BMP6: variants seen among roughly 807,000 people sequenced by gnomAD.
The protein encoded by BMP6 is VG-1-R.
In BMP6, 17 loss-of-function variants were observed where a neutral mutation model predicts 54.1. That is an observed-to-expected ratio of 0.31 (90% confidence interval 0.22 to 0.47). BMP6 has a LOEUF of 0.47. Ranked by LOEUF, BMP6 falls within the 20% of genes least tolerant of loss-of-function variation. BMP6 has a pLI of 1.00. For missense variants in BMP6, 720 were observed against 690.4 expected, an observed-to-expected ratio of 1.04 and a Z score of -0.48; for synonymous variants, 328 against 291.2, an observed-to-expected ratio of 1.13 and a Z score of -1.28.
intron 2 of BMP6, among the ~76,000 whole-genome samples, chr6:7,849,268 G>C (rs540950054): frequency 2.3e-4 from 35 of 152,274 alleles, no homozygotes; most frequent in African/African-American, 8.2e-4. Context: ...TGATGTCTAA[G>C]GCCTTCCTAC....
chr6:7,796,083 G>C (rs1375857529), intron 1 of BMP6, among the ~76,000 whole-genome samples: 2 of 152,162 alleles, frequency 1.3e-5, no homozygotes, highest in African/African-American at 4.8e-5. Context: ...GGGCAGATGA[G>C]ATTGCCCAGG....
intron 4 of BMP6, among the ~76,000 whole-genome samples, chr6:7,866,625 A>C (rs1334875979): frequency 6.6e-6 from 1 of 152,230 alleles, no homozygotes; most frequent in Non-Finnish European, 1.5e-5. Context: ...TCAGCTGGTA[A>C]GTCTGAAGTC....
chr6:7,792,686 C>G (rs1758128117), intron 1 of BMP6, among the ~76,000 whole-genome samples: 1 of 152,206 alleles, frequency 6.6e-6, no homozygotes, highest in African/African-American at 2.4e-5. Flanking sequence ...AAGCAACATT[C>G]CAACAAGGCA....
At chr6:7,815,410 C>T (rs2113216879) in intron 1 of BMP6, among the ~76,000 whole-genome samples, 1 of 152,310 alleles carries the variant, frequency 6.6e-6, no homozygotes, top group Admixed American at 6.5e-5. Flanking sequence ...GCAAGTTTCA[C>T]ATCAGTAAAT....
intron 4 of BMP6, 108 bp from the exon 5 acceptor site, chr6:7,878,966 A>G (rs1759666629): frequency 9.0e-7 from 1 of 1,113,216 alleles, no homozygotes; most frequent in Non-Finnish European, 1.4e-6. Context: ...CTAGGAGGCT[A>G]TCCTGAGCCT....
chr6:7,775,658 T>C (rs1757852090), intron 1 of BMP6, among the ~76,000 whole-genome samples: 2 of 152,184 alleles, frequency 1.3e-5, no homozygotes, highest in Admixed American at 1.3e-4. Context: ...AGTTGTAGAA[T>C]GTGGTAAGGT....
chr6:7,819,005 A>G (rs1758568575), intron 1 of BMP6, among the ~76,000 whole-genome samples: 1 of 152,136 alleles, frequency 6.6e-6, no homozygotes, highest in African/African-American at 2.4e-5. Context: ...AGAAGGAGAA[A>G]CATTGTTCAT....
chr6:7,732,478 AT>A (rs1054535529), intron 1 of BMP6, among the ~76,000 whole-genome samples: 1 of 152,184 alleles, frequency 6.6e-6, no homozygotes, highest in African/African-American at 2.4e-5. Context: ...TAGTTCCTCT[AT>A]TTGAGAGCTT....
chr6:7,870,623 T>A (rs382029), intron 4 of BMP6, among the ~76,000 whole-genome samples: 48,297 of 151,534 alleles, frequency 0.32, 8,194 homozygotes, highest in East Asian at 0.59. Flanking sequence ...ATCTTTTTTT[T>A]AAAAAACAAC....
At chr6:7,790,828 C>T (rs1349915498) in intron 1 of BMP6, among the ~76,000 whole-genome samples, 4 of 152,282 alleles carry the variant, frequency 2.6e-5, no homozygotes, top group East Asian at 3.9e-4. Context: ...CCTTGTCACA[C>T]GGAGGATTCT....
At chr6:7,755,394 C>A (rs1413789190) in intron 1 of BMP6, among the ~76,000 whole-genome samples, 2 of 152,098 alleles carry the variant, frequency 1.3e-5, no homozygotes, top group Non-Finnish European at 2.9e-5. Flanking sequence ...GCTTAACTTA[C>A]CACAGTCTGT....
chr6:7,866,853 C>T (rs1182624521), intron 4 of BMP6, among the ~76,000 whole-genome samples: 1 of 152,100 alleles, frequency 6.6e-6, no homozygotes, highest in Non-Finnish European at 1.5e-5. Flanking sequence ...TGTATCAATG[C>T]CACCTATTAG....
chr6:7,727,585 C>G lies in BMP6; in HGVS notation c.630C>G (p.Asn210Lys). The G allele has an allele frequency of 6.3e-7, 1 of 1,580,126 alleles. No homozygotes were observed. The highest frequency in any genetic ancestry group is 8.5e-7 in the Non-Finnish European group (1 of 1,172,250). ...LTSAQDSAFL[N>K]DADMVMSFVN... ...GCGCGCAGGACAGCGCCTTCCTCAA[C>G]GACGCGGACATGGTCATGAGCTTTG... Residue 210 changes from asparagine to lysine, a missense_variant, in exon 1 of 7, where the codon AAC becomes AAG. Physicochemically the swap from Asn to Lys is moderately conservative, Grantham distance 94 (BLOSUM62 0). Around this residue, in one of 3 missense-constraint regions of BMP6, gnomAD observed 650 missense variants for 556.3 expected, o/e 1.17. Transcript: ENST00000283147.
chr6:7,866,381 C>T (rs969241718), intron 4 of BMP6, among the ~76,000 whole-genome samples: 4 of 152,198 alleles, frequency 2.6e-5, no homozygotes, highest in Admixed American at 2.6e-4. Context: ...TCTATAGCTC[C>T]AGTTTGGTGG....
At position 7,749,487 on chromosome 6, in the gene BMP6, C is replaced by T. The variant is rs951739429; in HGVS notation, c.664+21868C>T. 2.0e-5 allele frequency among the ~76,000 whole-genome samples: 3 copies of T among 152,062 alleles called. 1 individual carries two copies. The highest frequency in any genetic ancestry group is 1.5e-5 in the Non-Finnish European group (1 of 68,018). ...AGTTGTCTCAGATCTATTTTCAGAA[C>T]GAGGCAGGAGCAAAACGAATTACTG... is the stretch of plus-strand genomic sequence containing the variant. On this transcript the variant is annotated intron_variant, in intron 1 of 6. Coordinates refer to ENST00000283147, the MANE Select transcript of BMP6 (RefSeq NM_001718.6).
chr6:7,845,009 C>T (rs1156687676), intron 1 of BMP6, 131 bp from the exon 2 acceptor site: 3 of 792,258 alleles, frequency 3.8e-6, no homozygotes, highest in African/African-American at 3.5e-5. Flanking sequence ...CTGTTCACTA[C>T]CCGATCCCCG....
At chr6:7,831,426 C>T (rs1758791536) in intron 1 of BMP6, among the ~76,000 whole-genome samples, 1 of 152,146 alleles carries the variant, frequency 6.6e-6, no homozygotes, top group South Asian at 2.1e-4. Flanking sequence ...GAATTGTCCA[C>T]TTCAAAATGG....
chr6:7,800,571 G>T (rs1758254529), intron 1 of BMP6, among the ~76,000 whole-genome samples: 1 of 152,066 alleles, frequency 6.6e-6, no homozygotes, highest in Admixed American at 6.5e-5. Context: ...CAAGGTCTTT[G>T]TTTTCTTCTT....
At chr6:7,762,205 AGCCACT>A (rs1374400794) in intron 1 of BMP6, among the ~76,000 whole-genome samples, 3 of 152,210 alleles carry the variant, frequency 2.0e-5, no homozygotes, top group Non-Finnish European at 4.4e-5. Flanking sequence ...TACAGGTCTG[AGCCACT>A]GCACCTGGCC....
Sources: allele counts gnomAD v4.1 joint callset (sites outside exome capture counted in the v4.1 genomes callset), GRCh38; gene constraint gnomAD v4.1.1; regional missense constraint gnomAD v4.1.1; transcripts MANE v1.5; gene names NCBI Gene and HGNC (gene_info 2026-07-23, HGNC 2026-07-21).